The following BTBD9 variants were observed in gnomAD, a reference collection of about 807,000 sequenced individuals.
BTBD9 encodes the protein BTB domain containing 9, also known as BTB/POZ domain-containing protein 9.
Under a neutral mutation model 64.3 loss-of-function variants are expected in BTBD9, and 49 were observed. The ratio of observed to expected loss-of-function variants is 0.76; its 90% confidence interval spans 0.61 to 0.97. The LOEUF is 0.97. Among genes scored for constraint, BTBD9 ranks in the 50% least tolerant of loss-of-function variants. The pLI, the probability that BTBD9 is intolerant of heterozygous loss-of-function variation, is 0.00. For missense variants in BTBD9, 598 were observed against 762.1 expected (o/e 0.78, Z 2.53); for synonymous variants, 260 against 274.7 (o/e 0.95, Z 0.53).
chr6:38,359,802 G>A (rs1764879653), intron 6 of BTBD9, among the ~76,000 whole-genome samples: 1 of 152,154 alleles, frequency 6.6e-6, no homozygotes, highest in Non-Finnish European at 1.5e-5. Context: ...AGGTTCTTTG[G>A]TGGGGATAGA....
intron 7 of BTBD9, among the ~76,000 whole-genome samples, chr6:38,325,305 T>C (rs77241870): frequency 1.3e-5 from 2 of 152,144 alleles, no homozygotes; most frequent in East Asian, 1.9e-4. Context: ...AGAAAAAATA[T>C]GAATAAAAGA....
intron 9 of BTBD9, among the ~76,000 whole-genome samples, chr6:38,211,316 C>G (rs924987206): frequency 2.6e-5 from 4 of 152,162 alleles, no homozygotes; most frequent in African/African-American, 9.6e-5. Context: ...GCAGTCCCAG[C>G]TACTCAGGAG....
chr6:38,361,878 A>AAC (rs1554142318), intron 6 of BTBD9, among the ~76,000 whole-genome samples: 2 of 151,778 alleles, frequency 1.3e-5, no homozygotes, highest in East Asian at 3.9e-4. Context: ...GAAAAAAAAA[A>AAC]AACAAAAACA....
intron 6 of BTBD9, among the ~76,000 whole-genome samples, chr6:38,474,802 T>TA (rs529501284): frequency 3.9e-5 from 6 of 151,976 alleles, no homozygotes; most frequent in African/African-American, 4.8e-5. Context: ...CACATCATGA[T>TA]AAAAAAAATT....
intron 7 of BTBD9, among the ~76,000 whole-genome samples, chr6:38,335,754 GATGGAGTCTC>G (rs1763869222): frequency 6.6e-6 from 1 of 151,768 alleles, no homozygotes; most frequent in South Asian, 2.1e-4. Flanking sequence ...ATTTTTTTGA[GATGGAGTCTC>G]ACTCTGTTGC....
chr6:38,381,261 G>A (rs1765921183), intron 6 of BTBD9, among the ~76,000 whole-genome samples: 1 of 152,044 alleles, frequency 6.6e-6, no homozygotes, highest in Non-Finnish European at 1.5e-5. Flanking sequence ...GGCAAAGGAA[G>A]CCTGAAACTA....
chr6:38,415,076 G>T (rs1286364906), intron 6 of BTBD9, among the ~76,000 whole-genome samples: 3 of 151,834 alleles, frequency 2.0e-5, no homozygotes, highest in African/African-American at 7.3e-5. Context: ...CCTTTCTAAC[G>T]TAGCAAATGG....
intron 6 of BTBD9, among the ~76,000 whole-genome samples, chr6:38,377,703 T>C (rs550117040): frequency 6.6e-6 from 1 of 152,354 alleles, no homozygotes; most frequent in South Asian, 2.1e-4. Context: ...TTGAGAAGGT[T>C]ATTTTTTAAC....
At position 38,256,528 on chromosome 6, in the gene BTBD9, G is replaced by GA; in HGVS notation, c.1455-13dup. Reference sequence around the variant, plus strand: ...CCCAAAGTAGTAACCTGAACAAAGGGAAAAACATAAGATTGCTGTAAATGT... The same window carrying GA: ...CCCAAAGTAGTAACCTGAACAAAGGGAAAAAACATAAGATTGCTGTAAATGT... On this transcript the variant is annotated splice_polypyrimidine_tract_variant and intron_variant, in intron 8 of 10. Transcript: ENST00000481247. The GA allele has an allele frequency of 6.3e-7, 1 of 1,576,548 alleles. No individual in the cohort carries two copies.
chr6:38,430,591 T>C (rs1393549017), intron 6 of BTBD9, among the ~76,000 whole-genome samples: 1 of 151,780 alleles, frequency 6.6e-6, no homozygotes, highest in Non-Finnish European at 1.5e-5. Context: ...TCACAGCTCA[T>C]TGCAGCCTTG....
chr6:38,568,285 T>C (rs1320228895), intron 6 of BTBD9, among the ~76,000 whole-genome samples: 1 of 152,234 alleles, frequency 6.6e-6, no homozygotes, highest in Non-Finnish European at 1.5e-5. Context: ...ACAAAAAATC[T>C]GTATCTAAGT....
At chr6:38,562,701 G>C (rs564972717) in intron 6 of BTBD9, among the ~76,000 whole-genome samples, 1 of 152,140 alleles carries the variant, frequency 6.6e-6, no homozygotes, top group African/African-American at 2.4e-5. Flanking sequence ...AATCCCTCTA[G>C]GTCAATTCAT....
At chr6:38,353,099 G>A (rs774806308) in intron 6 of BTBD9, among the ~76,000 whole-genome samples, 3 of 152,310 alleles carry the variant, frequency 2.0e-5, no homozygotes, top group East Asian at 1.9e-4. Context: ...TAAAAGAAGA[G>A]TCAAACGGGA....
chr6:38,179,736 C>G (rs1437745954), intron 10 of BTBD9: 3 of 456,766 alleles, frequency 6.6e-6, no homozygotes, highest in South Asian at 4.6e-5. Context: ...ATCAACATAC[C>G]TGCCTCACAC....
At chr6:38,414,213 G>C (rs923772403) in intron 6 of BTBD9, among the ~76,000 whole-genome samples, 3 of 152,146 alleles carry the variant, frequency 2.0e-5, no homozygotes, top group African/African-American at 7.2e-5. Context: ...TGCTTGTGAA[G>C]GTGCTTATTT....
intron 6 of BTBD9, among the ~76,000 whole-genome samples, chr6:38,549,762 T>C (rs984900486): frequency 1.3e-5 from 2 of 152,120 alleles, no homozygotes; most frequent in African/African-American, 4.8e-5. Flanking sequence ...CTGTTCCCAG[T>C]CCCTCTCTCC....
intron 6 of BTBD9, among the ~76,000 whole-genome samples, chr6:38,370,043 A>T (rs1462419161): frequency 1.3e-5 from 2 of 152,192 alleles, no homozygotes; most frequent in African/African-American, 4.8e-5. Context: ...ATAAGGCCTG[A>T]CCATCTTTCC....
chr6:38,265,115 C>CT (rs1215803304), intron 8 of BTBD9, among the ~76,000 whole-genome samples: 2 of 151,958 alleles, frequency 1.3e-5, no homozygotes, highest in Non-Finnish European at 2.9e-5. Flanking sequence ...ACAATATTCT[C>CT]TTGCAGGTAG....
At chr6:38,335,188 A>C (rs2127584130) in intron 7 of BTBD9, among the ~76,000 whole-genome samples, 1 of 152,178 alleles carries the variant, frequency 6.6e-6, no homozygotes, top group East Asian at 1.9e-4. Context: ...CTGTGAATCA[A>C]TTAAACCTTT....
Sources: gnomAD v4.1 joint callset for allele counts (sites outside exome capture counted in the v4.1 genomes callset) on GRCh38, gnomAD v4.1.1 for gene constraint, MANE v1.5 for transcripts, NCBI Gene and HGNC (gene_info 2026-07-23, HGNC 2026-07-21) for gene names.